SCHIP1: variants seen among roughly 807,000 people sequenced by gnomAD.
SCHIP1 encodes schwannomin interacting protein 1.
A neutral mutation model predicts 29.7 loss-of-function variants in SCHIP1; 8 were observed. That is an observed-to-expected ratio of 0.27 (90% CI 0.16 to 0.49). The LOEUF is 0.49. SCHIP1 is among the 20% of genes least tolerant of loss of function. The probability of loss-of-function intolerance (pLI) is 0.99; values close to 1 mark genes in which losing one functional copy is unlikely to be tolerated. For missense variants in SCHIP1, 193 were observed against 294.6 expected (o/e 0.66, Z 2.52); for synonymous variants, 76 against 94.9 (o/e 0.80, Z 1.16).
the SCHIP1 span, among the ~76,000 whole-genome samples, chr3:159,656,001 G>T: frequency 1.8e-3 from 273 of 152,308 alleles, no homozygotes; most frequent in African/African-American, 6.4e-3. Flanking sequence ...GAAAGATGGG[G>T]TAACAGTATT....
At chr3:159,624,640 G>A in the SCHIP1 span, among the ~76,000 whole-genome samples, 1 of 152,176 alleles carries the variant, frequency 6.6e-6, no homozygotes, top group African/African-American at 2.4e-5. Context: ...TGGAGATTGG[G>A]GGTGGAAGGC....
the SCHIP1 span, among the ~76,000 whole-genome samples, chr3:159,382,787 A>ATGAT: frequency 1.3e-5 from 2 of 152,164 alleles, no homozygotes; most frequent in Non-Finnish European, 2.9e-5. Context: ...TGACCTTTTA[A>ATGAT]TGATTGCCAT....
the SCHIP1 span, among the ~76,000 whole-genome samples, chr3:159,445,877 G>T: frequency 6.6e-5 from 8 of 120,348 alleles, no homozygotes; most frequent in Non-Finnish European, 1.3e-4. Context: ...GGACTGTTGT[G>T]GGGTGGGGGG....
the SCHIP1 span, among the ~76,000 whole-genome samples, chr3:159,597,464 T>C: frequency 5.3e-5 from 8 of 152,160 alleles, no homozygotes; most frequent in Non-Finnish European, 1.2e-4. Flanking sequence ...GTCCACTATC[T>C]TTCCACTTTT....
At chr3:159,571,408 T>C in the SCHIP1 span, among the ~76,000 whole-genome samples, 1 of 152,344 alleles carries the variant, frequency 6.6e-6, no homozygotes, top group Non-Finnish European at 1.5e-5. Context: ...TTATCATTGG[T>C]TCTGTTTATA....
At chr3:159,506,110 T>A in the SCHIP1 span, among the ~76,000 whole-genome samples, 1 of 152,204 alleles carries the variant, frequency 6.6e-6, no homozygotes, top group East Asian at 1.9e-4. Flanking sequence ...TTCCTATTTC[T>A]CCACATCCTC....
chr3:159,737,949 T>C, the SCHIP1 span, among the ~76,000 whole-genome samples: 1 of 152,194 alleles, frequency 6.6e-6, no homozygotes. Flanking sequence ...CCTTGTTCAT[T>C]GATCAATTTT....
chr3:159,772,086 T>C, the SCHIP1 span, among the ~76,000 whole-genome samples: 71,614 of 152,000 alleles, frequency 0.47, 17,525 homozygotes, highest in East Asian at 0.61. Flanking sequence ...ACAGAAATCT[T>C]ACACCTGACA....
chr3:159,834,611 A>C, the SCHIP1 span, among the ~76,000 whole-genome samples: 6 of 152,210 alleles, frequency 3.9e-5, no homozygotes, highest in African/African-American at 1.4e-4. Context: ...TGGCAACAAT[A>C]CAGGTTGAGC....
the SCHIP1 span, among the ~76,000 whole-genome samples, chr3:159,526,320 C>A: frequency 5.3e-5 from 8 of 152,122 alleles, no homozygotes; most frequent in African/African-American, 2.4e-5. Flanking sequence ...AGGGGTGCAC[C>A]ACTGTGCCCG....
chr3:159,885,132 T>C (rs1716837803), intron 2 of SCHIP1, among the ~76,000 whole-genome samples: 1 of 152,200 alleles, frequency 6.6e-6, no homozygotes, highest in Non-Finnish European at 1.5e-5. Flanking sequence ...ACCATTGGAA[T>C]TGAAAAGTCA....
the SCHIP1 span, among the ~76,000 whole-genome samples, chr3:159,526,104 G>A: frequency 2.0e-5 from 3 of 152,122 alleles, no homozygotes; most frequent in Admixed American, 6.5e-5. Flanking sequence ...CTTTTCTTCT[G>A]TCCTTCATGT....
At chr3:159,560,989 T>C in the SCHIP1 span, among the ~76,000 whole-genome samples, 55 of 152,354 alleles carry the variant, frequency 3.6e-4, no homozygotes, top group African/African-American at 1.3e-3. Flanking sequence ...GGAAAGCATT[T>C]TTCTGTTGAA....
At chr3:159,715,002 A>C in the SCHIP1 span, among the ~76,000 whole-genome samples, 936 of 152,296 alleles carry the variant, frequency 6.1e-3, 10 homozygotes, top group Admixed American at 0.022. Flanking sequence ...CCAGTAGGGG[A>C]TGACTGACAC....
At chr3:159,752,434 C>A in the SCHIP1 span, among the ~76,000 whole-genome samples, 2 of 151,862 alleles carry the variant, frequency 1.3e-5, no homozygotes, top group East Asian at 3.9e-4. Flanking sequence ...CTAGTCTGTT[C>A]TTGTATTGCT....
At chr3:159,716,045 G>A in the SCHIP1 span, among the ~76,000 whole-genome samples, 1 of 152,176 alleles carries the variant, frequency 6.6e-6, no homozygotes, top group Non-Finnish European at 1.5e-5. Context: ...GACTAACAGA[G>A]GATCTCTCAG....
At chr3:159,390,597 A>AAAGTT in the SCHIP1 span, among the ~76,000 whole-genome samples, 1 of 152,156 alleles carries the variant, frequency 6.6e-6, no homozygotes, top group African/African-American at 2.4e-5. Flanking sequence ...AGCTTCTGTG[A>AAAGTT]AAGTTAACAT....
At chr3:159,857,457 A>G (rs1392464225) in intron 1 of SCHIP1, among the ~76,000 whole-genome samples, 2 of 152,162 alleles carry the variant, frequency 1.3e-5, no homozygotes, top group Admixed American at 6.5e-5. Context: ...TATAATTCAC[A>G]TACATAAAAG....
the SCHIP1 span, among the ~76,000 whole-genome samples, chr3:159,334,992 T>C: frequency 5.3e-5 from 8 of 151,782 alleles, no homozygotes; most frequent in Non-Finnish European, 1.0e-4. Flanking sequence ...CTTCTGCCTC[T>C]GGGTTCAGGC....
Sources: allele counts gnomAD v4.1 joint callset (sites outside exome capture counted in the v4.1 genomes callset), GRCh38; gene constraint gnomAD v4.1.1; transcripts MANE v1.5; gene names NCBI Gene and HGNC (gene_info 2026-07-23, HGNC 2026-07-21).